ENTHD1: variants seen among roughly 807,000 people sequenced by gnomAD.
ENTHD1 encodes ENTH domain containing 1.
A neutral mutation model predicts 39.1 loss-of-function variants in ENTHD1; 23 were observed. The ratio of observed to expected loss-of-function variants is 0.59; its 90% CI spans 0.42 to 0.83. The LOEUF (loss-of-function observed/expected upper bound fraction) is 0.83. Ranked by LOEUF, ENTHD1 falls within the 40% of genes least tolerant of loss-of-function variation. ENTHD1 has a pLI of 0.00. For synonymous variants in ENTHD1, 230 were observed against 258.2 expected (o/e 0.89, Z 1.05); for missense variants, 624 against 705.4 (o/e 0.88, Z 1.31).
At chr22:39,780,799 C>A (rs147629093) in intron 5 of ENTHD1, among the ~76,000 whole-genome samples, 28 of 152,088 alleles carry the variant, frequency 1.8e-4, no homozygotes, top group Non-Finnish European at 3.5e-4. Context: ...GAGATTGAGA[C>A]CATGCTGGCT....
At chr22:39,802,657 G>A (rs2065608169) in intron 5 of ENTHD1, among the ~76,000 whole-genome samples, 1 of 152,198 alleles carries the variant, frequency 6.6e-6, no homozygotes, top group Admixed American at 6.5e-5. Context: ...AGAGAGAAAG[G>A]GAAACAGGAG....
intron 6 of ENTHD1, among the ~76,000 whole-genome samples, chr22:39,748,249 CAAAA>C (rs60946846): frequency 1.5e-3 from 91 of 60,190 alleles, no homozygotes; most frequent in African/African-American, 4.5e-3. Flanking sequence ...ACCCTGTCTC[CAAAA>C]AAAAAAAAAA....
intron 6 of ENTHD1, among the ~76,000 whole-genome samples, chr22:39,748,144 G>A (rs2065120930): frequency 6.6e-6 from 1 of 151,766 alleles, no homozygotes; most frequent in Non-Finnish European, 1.5e-5. Flanking sequence ...ACCTACTTGG[G>A]AGACTAAAGT....
intron 5 of ENTHD1, among the ~76,000 whole-genome samples, chr22:39,786,453 C>T (rs1449637215): frequency 2.0e-5 from 3 of 151,928 alleles, no homozygotes; most frequent in African/African-American, 7.3e-5. Flanking sequence ...GAGTGGCTGA[C>T]GTGGAATGGG....
chr22:39,876,076 G>T, intron 2 of ENTHD1: 1 of 1,613,278 alleles, frequency 6.2e-7, no homozygotes, highest in Non-Finnish European at 8.5e-7. Flanking sequence ...AAGTCCCCAC[G>T]TATGAGTTCA....
At chr22:39,856,150 T>A (rs932707463) in intron 3 of ENTHD1, among the ~76,000 whole-genome samples, 2 of 152,022 alleles carry the variant, frequency 1.3e-5, no homozygotes, top group Non-Finnish European at 2.9e-5. Context: ...GGCATGTGCC[T>A]GTAATCCCAG....
At chr22:39,806,768 T>C (rs1601607090) in intron 5 of ENTHD1, among the ~76,000 whole-genome samples, 1 of 152,006 alleles carries the variant, frequency 6.6e-6, no homozygotes, top group Non-Finnish European at 1.5e-5. Context: ...AGGAGAACAA[T>C]AGCCCCTGCC....
intron 5 of ENTHD1, among the ~76,000 whole-genome samples, chr22:39,814,890 G>GA (rs942586660): frequency 1.5e-4 from 23 of 150,796 alleles, no homozygotes; most frequent in Admixed American, 1.1e-3. Flanking sequence ...AAACCATAGA[G>GA]AAAAAAAAAT....
chr22:39,887,937 CT>C (rs1387744072), intron 1 of ENTHD1, 34 bp from the exon 2 acceptor site: 18 of 520,652 alleles, frequency 3.5e-5, no homozygotes, highest in East Asian at 9.2e-5. Context: ...TTACATTAAA[CT>C]TTTTTTTAAG....
chr22:39,776,575 T>C (rs1383779265), intron 5 of ENTHD1, among the ~76,000 whole-genome samples: 2 of 152,256 alleles, frequency 1.3e-5, no homozygotes, highest in Non-Finnish European at 2.9e-5. Flanking sequence ...CTGGCTTGAT[T>C]ATTCTTGACA....
At chr22:39,874,117 C>G (rs1319053761) in intron 2 of ENTHD1, 1 of 152,150 alleles carries the variant, frequency 6.6e-6, no homozygotes, top group Non-Finnish European at 1.5e-5. Context: ...TCTTATGAGA[C>G]TTATTCACTA....
intron 2 of ENTHD1, among the ~76,000 whole-genome samples, chr22:39,876,884 T>C (rs1023522947): frequency 1.3e-5 from 2 of 152,174 alleles, no homozygotes; most frequent in African/African-American, 2.4e-5. Flanking sequence ...TCATCAAATA[T>C]ATATTGAGTG....
intron 5 of ENTHD1, among the ~76,000 whole-genome samples, chr22:39,782,308 A>G (rs1242482486): frequency 6.6e-6 from 1 of 152,102 alleles, no homozygotes; most frequent in Admixed American, 6.6e-5. Context: ...CAGTAACAAG[A>G]TCAAAGCCGC....
At chr22:39,881,504 G>A (rs550283274) in intron 2 of ENTHD1, among the ~76,000 whole-genome samples, 1 of 152,168 alleles carries the variant, frequency 6.6e-6, no homozygotes, top group African/African-American at 2.4e-5. Flanking sequence ...TTTTCCCAAT[G>A]TTTTTCCTAC....
At chr22:39,883,077 C>T (rs1420007902) in intron 2 of ENTHD1, among the ~76,000 whole-genome samples, 2 of 150,894 alleles carry the variant, frequency 1.3e-5, no homozygotes, top group Non-Finnish European at 2.9e-5. Context: ...ATAATATTTT[C>T]CCCTAATGGA....
intron 6 of ENTHD1, among the ~76,000 whole-genome samples, chr22:39,754,944 TG>T (rs1480552745): frequency 1.3e-5 from 2 of 152,240 alleles, no homozygotes; most frequent in African/African-American, 4.8e-5. Context: ...TTCTATCATC[TG>T]TCTGGCTTAA....
At chr22:39,795,571 G>A (rs745778334) in intron 5 of ENTHD1, among the ~76,000 whole-genome samples, 2 of 151,176 alleles carry the variant, frequency 1.3e-5, no homozygotes, top group East Asian at 1.9e-4. Context: ...GGGACCACAG[G>A]CACATGCCAC....
intron 5 of ENTHD1, among the ~76,000 whole-genome samples, chr22:39,766,019 CAAAAAAAAAAA>C (rs11367784): frequency 4.4e-3 from 213 of 48,394 alleles, no homozygotes; most frequent in South Asian, 0.014. Context: ...CCCTCAGCTA[CAAAAAAAAAAA>C]AAAAAAAAAA....
rs2146522825 is a variant in ENTHD1 at position 39,743,655 on chromosome 22, T to C, written c.*24A>G. On this transcript the variant is annotated 3_prime_UTR_variant, in exon 7 of 7. Transcript: ENST00000325157. ...TGGGGAAGTGGAACCACACGAGTTC[T>C]ATCAAAAATAGATATTGTGATGATT... The C allele has an allele frequency of 6.4e-7, 1 of 1,551,114 alleles. No individual in the cohort carries two copies.
Sources: allele counts gnomAD v4.1 joint callset (sites outside exome capture counted in the v4.1 genomes callset), GRCh38; gene constraint gnomAD v4.1.1; transcripts MANE v1.5; gene names NCBI Gene and HGNC (gene_info 2026-07-23, HGNC 2026-07-21).